FSIP1: variants seen among roughly 807,000 people sequenced by gnomAD.
The protein encoded by FSIP1 is fibrous sheath-interacting protein 1.
In FSIP1, 65 loss-of-function variants were observed where a neutral mutation model predicts 60.9. The ratio of observed to expected loss-of-function variants is 1.07; its 90% CI spans 0.87 to 1.31. FSIP1 has a LOEUF of 1.31. FSIP1 is among the 40% of genes most tolerant of loss of function. The pLI, the probability that FSIP1 is intolerant of heterozygous loss-of-function variation, is 0.00. For missense variants in FSIP1, 675 were observed against 665.5 expected (o/e 1.01, Z -0.16); for synonymous variants, 209 against 221.2 (o/e 0.94, Z 0.49).
At chr15:39,680,184 T>C (rs925282626) in intron 10 of FSIP1, among the ~76,000 whole-genome samples, 8 of 151,866 alleles carry the variant, frequency 5.3e-5, no homozygotes, top group African/African-American at 1.9e-4. Context: ...AGAAAAAAAA[T>C]TCTATTAATA....
intron 11 of FSIP1, among the ~76,000 whole-genome samples, chr15:39,609,512 G>T (rs1450764236): frequency 2.6e-5 from 4 of 152,122 alleles, no homozygotes; most frequent in African/African-American, 9.7e-5. Flanking sequence ...ATGGACAAAA[G>T]TACCTGGCCC....
In FSIP1 at chr15:39,617,784, T is replaced by C. The variant is rs1364427871; in HGVS notation, c.1650A>G (p.Ser550=). ...DPLYGISVSL[S]SEDQHLKLSS... ...TGAGTTTCAGATGTTGGTCTTCTGA[T>C]GAAAGGCTCACACTGATACCATACA... The change falls in exon 11 of 12, where the codon TCA becomes TCG. Residue 550 remains serine (S), a synonymous_variant. Transcript: ENST00000350221. 1.2e-6 allele frequency: 2 copies of C among 1,614,094 alleles called. No homozygotes were observed. Among genetic ancestry groups the C allele is most frequent in the African/African-American group, 1.3e-5 (1 of 75,064 alleles).
chr15:39,776,527 A>C lies in FSIP1; in HGVS notation c.-3T>G. The C allele has an allele frequency of 6.2e-7, 1 of 1,600,368 alleles. No individual in the cohort carries two copies. Among genetic ancestry groups the C allele is most frequent in the Non-Finnish European group, 8.5e-7 (1 of 1,173,150 alleles). On this transcript the variant is annotated 5_prime_UTR_variant, in exon 2 of 12. Transcript: ENST00000350221. ...AGGTTTCCCTTTATAATATCCATTG[A>C]AATCCTGAAACAACAAATAAAATAT...
intron 10 of FSIP1, among the ~76,000 whole-genome samples, chr15:39,636,670 T>C (rs1050400650): frequency 6.6e-6 from 1 of 152,220 alleles, no homozygotes; most frequent in African/African-American, 2.4e-5. Flanking sequence ...AGTCCCACTC[T>C]TTCTCTAAAT....
intron 2 of FSIP1, among the ~76,000 whole-genome samples, chr15:39,774,664 T>C (rs1173644042): frequency 6.6e-6 from 1 of 152,226 alleles, no homozygotes; most frequent in Non-Finnish European, 1.5e-5. Context: ...AAGTCACTTA[T>C]AGCTAGGGTT....
intron 8 of FSIP1, among the ~76,000 whole-genome samples, chr15:39,734,412 C>A (rs1306029528): frequency 2.0e-5 from 3 of 152,026 alleles, no homozygotes; most frequent in Admixed American, 6.6e-5. Context: ...TAGAGAGATT[C>A]CTAACATACA....
intron 10 of FSIP1, among the ~76,000 whole-genome samples, chr15:39,659,649 T>C (rs1420523176): frequency 8.5e-6 from 1 of 117,656 alleles, no homozygotes. Flanking sequence ...AAAAAAGCAA[T>C]GGCTTTTCAA....
chr15:39,719,738 A>C (rs1382628741), intron 9 of FSIP1, among the ~76,000 whole-genome samples: 10 of 152,240 alleles, frequency 6.6e-5, no homozygotes, highest in Admixed American at 5.9e-4. Flanking sequence ...AGGGAAAAAG[A>C]TACTTCAGGC....
chr15:39,604,941 C>A (rs1351555759), intron 11 of FSIP1, among the ~76,000 whole-genome samples: 1 of 152,152 alleles, frequency 6.6e-6, no homozygotes, highest in Non-Finnish European at 1.5e-5. Context: ...AGAAAATTTT[C>A]TCAAACAATC....
chr15:39,768,850 T>C (rs1196531097), intron 3 of FSIP1, among the ~76,000 whole-genome samples: 1 of 152,220 alleles, frequency 6.6e-6, no homozygotes, highest in East Asian at 1.9e-4. Flanking sequence ...TGGATCTATA[T>C]TTTACATTGA....
At chr15:39,648,406 G>T (rs533529320) in intron 10 of FSIP1, among the ~76,000 whole-genome samples, 1 of 152,184 alleles carries the variant, frequency 6.6e-6, no homozygotes, top group African/African-American at 2.4e-5. Flanking sequence ...GTAGACCAGT[G>T]GTTCCACAAA....
At chr15:39,771,425 T>G (rs1203199853) in intron 2 of FSIP1, among the ~76,000 whole-genome samples, 1 of 152,132 alleles carries the variant, frequency 6.6e-6, no homozygotes, top group Admixed American at 6.5e-5. Flanking sequence ...CATGTTCAAC[T>G]CTCCACCACA....
intron 10 of FSIP1, among the ~76,000 whole-genome samples, chr15:39,623,875 A>C (rs1891538093): frequency 6.6e-6 from 1 of 152,186 alleles, no homozygotes; most frequent in Non-Finnish European, 1.5e-5. Context: ...TCTTCTCTGC[A>C]AACCAGCTTT....
At chr15:39,692,316 A>C (rs1894635819) in intron 10 of FSIP1, among the ~76,000 whole-genome samples, 1 of 152,236 alleles carries the variant, frequency 6.6e-6, no homozygotes, top group African/African-American at 2.4e-5. Flanking sequence ...CTTTGCAACT[A>C]TAAACGATTA....
intron 10 of FSIP1, among the ~76,000 whole-genome samples, chr15:39,666,698 A>G (rs1378396573): frequency 6.6e-6 from 1 of 152,212 alleles, no homozygotes; most frequent in African/African-American, 2.4e-5. Flanking sequence ...TCTTAGCGGC[A>G]GCACTGAACT....
intron 10 of FSIP1, among the ~76,000 whole-genome samples, chr15:39,640,902 G>T (rs945703731): frequency 2.0e-5 from 3 of 152,222 alleles, no homozygotes; most frequent in Non-Finnish European, 4.4e-5. Context: ...CTTGGCTATT[G>T]TTACAGGTGC....
intron 5 of FSIP1, among the ~76,000 whole-genome samples, chr15:39,757,297 C>T (rs923151768): frequency 1.3e-5 from 2 of 151,994 alleles, no homozygotes; most frequent in African/African-American, 2.4e-5. Flanking sequence ...CATTGTAGAA[C>T]AGATGAAAGT....
intron 5 of FSIP1, among the ~76,000 whole-genome samples, chr15:39,759,097 T>C (rs1897399184): frequency 6.6e-6 from 1 of 152,038 alleles, no homozygotes; most frequent in African/African-American, 2.4e-5. Flanking sequence ...ATATTTTTTA[T>C]ACAATCTTGA....
At chr15:39,665,848 C>T (rs1893475303) in intron 10 of FSIP1, among the ~76,000 whole-genome samples, 1 of 152,102 alleles carries the variant, frequency 6.6e-6, no homozygotes, top group Non-Finnish European at 1.5e-5. Context: ...TTGAAGAAAA[C>T]TCCCTCAGAG....
Sources: allele counts gnomAD v4.1 joint callset (sites outside exome capture counted in the v4.1 genomes callset), GRCh38; gene constraint gnomAD v4.1.1; transcripts MANE v1.5; gene names NCBI Gene and HGNC (gene_info 2026-07-23, HGNC 2026-07-21).